Variants in DPYD observed in about 807,000 individuals in gnomAD.
DPYD encodes dihydropyrimidine dehydrogenase.
DPYD carries 109 observed loss-of-function variants against 116.2 expected under a neutral mutation model. That is an observed-to-expected ratio of 0.94 (90% confidence interval 0.80 to 1.10). The LOEUF is 1.10. Among genes scored for constraint, DPYD ranks in the 50% least tolerant of loss-of-function variants. DPYD has a pLI of 0.00. For missense variants in DPYD, 1,302 were observed against 1,254.5 expected (o/e 1.04, Z -0.57); for synonymous variants, 440 against 432.0 (o/e 1.02, Z -0.23).
intron 7 of DPYD, among the ~76,000 whole-genome samples, chr1:97,687,297 C>A (rs1660789209): frequency 6.6e-6 from 1 of 151,786 alleles, no homozygotes; most frequent in Admixed American, 6.6e-5. Context: ...AACAAACAAA[C>A]AAAAAACTTA....
At chr1:97,907,887 C>T (rs1673721268) in intron 1 of DPYD, among the ~76,000 whole-genome samples, 1 of 152,068 alleles carries the variant, frequency 6.6e-6, no homozygotes, top group African/African-American at 2.4e-5. Context: ...GTCTAGAAGT[C>T]TAAAGTAAAG....
At chr1:97,220,031 G>T (rs1347534886) in intron 19 of DPYD, among the ~76,000 whole-genome samples, 1 of 152,072 alleles carries the variant, frequency 6.6e-6, no homozygotes, top group East Asian at 1.9e-4. Context: ...CTCTTCTCTC[G>T]GGGTCTCTGA....
intron 20 of DPYD, among the ~76,000 whole-genome samples, chr1:97,107,535 C>G (rs764875779): frequency 6.6e-6 from 1 of 152,080 alleles, no homozygotes; most frequent in Admixed American, 6.6e-5. Context: ...ACTGCACCAT[C>G]ATCATCACCT....
chr1:97,264,512 A>G (rs1664105282), intron 18 of DPYD, among the ~76,000 whole-genome samples: 1 of 151,960 alleles, frequency 6.6e-6, no homozygotes, highest in Non-Finnish European at 1.5e-5. Context: ...TGAATTGAAA[A>G]TTCCAGTGAT....
chr1:97,324,099 G>T lies in DPYD; in HGVS notation c.2059-17802C>A, dbSNP rs1018044654. ...GCAGTAGTGGTGGATATCAACCCTGGTAGAGGCTGTATTAGCTGGACAACT... is the reference window on the plus strand; with the variant it reads ...GCAGTAGTGGTGGATATCAACCCTGTTAGAGGCTGTATTAGCTGGACAACT... On this transcript the variant is annotated intron_variant, in intron 16 of 22. Transcript: ENST00000370192. Among the ~76,000 whole-genome samples, 5 of 151,922 alleles carry T rather than the reference G, an allele frequency of 3.3e-5. No homozygotes were observed. In the East Asian group the frequency reaches 9.7e-4, roughly 30 times the overall value.
chr1:97,821,569 G>A (rs963164120), intron 3 of DPYD, among the ~76,000 whole-genome samples: 8 of 152,000 alleles, frequency 5.3e-5, no homozygotes, highest in Non-Finnish European at 1.0e-4. Flanking sequence ...ATTTGACCTA[G>A]AGATGATGCA....
At position 97,841,409 on chromosome 1, in the gene DPYD, A is replaced by T. The variant is rs535755792; in HGVS notation, c.151-13213T>A. On this transcript the variant is annotated intron_variant, in intron 2 of 22. Coordinates refer to ENST00000370192, the MANE Select transcript of DPYD (RefSeq NM_000110.4). ...TAACTTGTCATCAAAAAATATACTT[A>T]TCAAAATTTCTATCAACACAGCCTG... Among the ~76,000 whole-genome samples, 8 of 152,132 alleles carry T rather than the reference A, an allele frequency of 5.3e-5. No homozygotes were observed. The East Asian group carries it at 9.6e-4, about 18-fold the overall frequency.
chr1:97,396,339 A>AT (rs71311935), intron 14 of DPYD, among the ~76,000 whole-genome samples: 65,402 of 151,756 alleles, frequency 0.43, 14,622 homozygotes, highest in Admixed American at 0.52. Context: ...ACTTTGAATG[A>AT]TTTTTTTGTG....
At position 97,639,906 on chromosome 1, in the gene DPYD, G is replaced by A. The variant is rs185984427; in HGVS notation, c.850+39189C>T. 2.0e-4 allele frequency among the ~76,000 whole-genome samples: 30 copies of A among 152,234 alleles called. No homozygotes were observed. In the East Asian group the frequency reaches 5.6e-3, roughly 28 times the overall value. On this transcript the variant is annotated intron_variant, in intron 8 of 22. Coordinates refer to ENST00000370192, the MANE Select transcript of DPYD (RefSeq NM_000110.4). ...GAACATGCCTATTCAAGACAACATGGTTTCTGAGTGACACTGATTAACAAT... is the reference window on the plus strand; with the variant it reads ...GAACATGCCTATTCAAGACAACATGATTTCTGAGTGACACTGATTAACAAT...
chr1:97,727,954 T>C lies in DPYD; in HGVS notation c.322-6283A>G, dbSNP rs1042028641. 3.9e-5 allele frequency among the ~76,000 whole-genome samples: 6 copies of C among 152,012 alleles called. No homozygotes were observed. In the East Asian group the frequency reaches 7.7e-4, roughly 20 times the overall value. Reference sequence around the variant, plus strand: ...AATTTAAATTTAGAAGGGTACTTTATAGACACCCCAGCAGTCTCCTTCTAG... The same window carrying C: ...AATTTAAATTTAGAAGGGTACTTTACAGACACCCCAGCAGTCTCCTTCTAG... On this transcript the variant is annotated intron_variant, in intron 4 of 22. Transcript: ENST00000370192.
intron 16 of DPYD, among the ~76,000 whole-genome samples, chr1:97,341,456 C>T (rs1669583860): frequency 6.6e-6 from 1 of 152,098 alleles, no homozygotes; most frequent in African/African-American, 2.4e-5. Context: ...AGGAACAGAT[C>T]TCCTGAACAC....
intron 10 of DPYD, among the ~76,000 whole-genome samples, chr1:97,574,221 A>G (rs900524710): frequency 1.3e-5 from 2 of 152,134 alleles, no homozygotes; most frequent in Non-Finnish European, 2.9e-5. Flanking sequence ...TCAAGTTTTA[A>G]GTACTGCATG....
intron 16 of DPYD, among the ~76,000 whole-genome samples, chr1:97,354,085 T>C (rs1056837395): frequency 6.6e-6 from 1 of 152,200 alleles, no homozygotes; most frequent in Non-Finnish European, 1.5e-5. Flanking sequence ...GAGAATTAAA[T>C]GAATTAGCCC....
At chr1:97,909,719 C>T (rs1673831790) in intron 1 of DPYD, among the ~76,000 whole-genome samples, 1 of 152,088 alleles carries the variant, frequency 6.6e-6, no homozygotes, top group African/African-American at 2.4e-5. Context: ...GCCTAAAGTC[C>T]TCAGTCCCTT....
At chr1:97,261,514 TTTAA>T (rs1432984170) in intron 18 of DPYD, among the ~76,000 whole-genome samples, 1 of 114,928 alleles carries the variant, frequency 8.7e-6, no homozygotes, top group Non-Finnish European at 1.8e-5. Context: ...TTTTTTTTTT[TTTAA>T]AAAAGAACGA....
At chr1:97,349,645 G>T (rs1670037831) in intron 16 of DPYD, among the ~76,000 whole-genome samples, 1 of 152,024 alleles carries the variant, frequency 6.6e-6, no homozygotes, top group South Asian at 2.1e-4. Context: ...TGGCTTCCAG[G>T]TTCATCCATG....
intron 3 of DPYD, among the ~76,000 whole-genome samples, chr1:97,782,833 C>G (rs1474303065): frequency 6.6e-6 from 1 of 152,106 alleles, no homozygotes; most frequent in African/African-American, 2.4e-5. Context: ...TTACTTTTGT[C>G]TGTAGGAGTC....
intron 12 of DPYD, among the ~76,000 whole-genome samples, chr1:97,539,707 A>G (rs75730464): frequency 0.031 from 4,686 of 152,312 alleles, 75 homozygotes; most frequent in Middle Eastern, 0.054. Context: ...TTCTATAAAG[A>G]TCAACATTAT....
intron 5 of DPYD, among the ~76,000 whole-genome samples, chr1:97,703,717 T>C (rs971949869): frequency 6.6e-6 from 1 of 152,024 alleles, no homozygotes; most frequent in Non-Finnish European, 1.5e-5. Context: ...CATCCATCAC[T>C]GCAAAAATTA....
Sources: allele counts gnomAD v4.1 joint callset (sites outside exome capture counted in the v4.1 genomes callset), GRCh38; gene constraint gnomAD v4.1.1; transcripts MANE v1.5; gene names NCBI Gene and HGNC (gene_info 2026-07-23, HGNC 2026-07-21).